Variants in ATXN7L1 observed in about 807,000 individuals in gnomAD.
ATXN7L1 encodes the protein ataxin 7 like 1, also known as ataxin-7-like protein 1.
ATXN7L1 carries 15 observed loss-of-function variants against 70.8 expected under a neutral mutation model. The observed-to-expected ratio is 0.21, with a 90% CI of 0.14 to 0.33. The LOEUF (loss-of-function observed/expected upper bound fraction) is 0.33. ATXN7L1 is among the 10% of genes least tolerant of loss of function. The probability of loss-of-function intolerance (pLI) is 1.00; values close to 1 mark genes in which losing one functional copy is unlikely to be tolerated. For synonymous variants in ATXN7L1, 440 were observed against 445.1 expected (o/e 0.99, Z 0.14); for missense variants, 975 against 1,097.1 (o/e 0.89, Z 1.57).
chr7:105,642,280 T>C (rs1798383350), intron 5 of ATXN7L1, among the ~76,000 whole-genome samples: 2 of 152,210 alleles, frequency 1.3e-5, no homozygotes, highest in Admixed American at 6.5e-5. Context: ...CCAGCCCTAC[T>C]GTTCCTGTTT....
At chr7:105,788,762 G>T in intron 2 of ATXN7L1, 54 bp from the exon 3 acceptor site, 1 of 1,388,754 alleles carries the variant, frequency 7.2e-7, no homozygotes. Flanking sequence ...AGTCTCAGAA[G>T]GTGTACAGTT....
At chr7:105,675,609 A>G (rs2116129814) in intron 3 of ATXN7L1, among the ~76,000 whole-genome samples, 1 of 152,156 alleles carries the variant, frequency 6.6e-6, no homozygotes, top group African/African-American at 2.4e-5. Context: ...TGGTGACAGA[A>G]TGAGACCCCA....
chr7:105,720,420 G>GTTCA (rs1795055731), intron 3 of ATXN7L1, among the ~76,000 whole-genome samples: 1 of 151,956 alleles, frequency 6.6e-6, no homozygotes, highest in Non-Finnish European at 1.5e-5. Context: ...GCTAGGTACC[G>GTTCA]TTCATTCATT....
At chr7:105,861,435 T>G (rs1816620692) in intron 2 of ATXN7L1, among the ~76,000 whole-genome samples, 1 of 126,644 alleles carries the variant, frequency 7.9e-6, no homozygotes. Flanking sequence ...TGGAGAGAGA[T>G]GGAGAGGTGC....
intron 2 of ATXN7L1, among the ~76,000 whole-genome samples, chr7:105,849,465 C>T (rs999590741): frequency 1.3e-5 from 2 of 152,220 alleles, no homozygotes; most frequent in African/African-American, 4.8e-5. Flanking sequence ...GCTGGGCCCC[C>T]GCTAGAAGAT....
Position 105,818,553 on chromosome 7 carries a change from C to T in ATXN7L1, c.251-29845G>A, listed in dbSNP as rs138008890. Among the ~76,000 whole-genome samples the T allele has an allele frequency of 1.1e-4, 17 of 152,160 alleles. No homozygotes were observed. The East Asian group carries it at 3.3e-3, about 29-fold the overall frequency. ...TTTCAGGGTTTAACTCTGTAATGGC[C>T]CAAATTCAAGGCTGAATGATCAGCT... On this transcript the variant is annotated intron_variant, in intron 2 of 11. Transcript: ENST00000419735.
At chr7:105,697,842 CTGTT>C (rs1791942829) in intron 3 of ATXN7L1, among the ~76,000 whole-genome samples, 1 of 152,258 alleles carries the variant, frequency 6.6e-6, no homozygotes, top group Admixed American at 6.5e-5. Flanking sequence ...GCCGGTCCCT[CTGTT>C]TGGGGTCCCT....
chr7:105,786,343 G>T (rs562333868), intron 3 of ATXN7L1, among the ~76,000 whole-genome samples: 5 of 152,174 alleles, frequency 3.3e-5, no homozygotes, highest in Admixed American at 3.3e-4. Flanking sequence ...GGGGAGGCAG[G>T]TGTATCAGCT....
intron 3 of ATXN7L1, among the ~76,000 whole-genome samples, chr7:105,709,458 A>T (rs1793610165): frequency 6.6e-6 from 1 of 152,100 alleles, no homozygotes; most frequent in Admixed American, 6.5e-5. Context: ...ACGCACCTAC[A>T]AGGAGGAGTA....
intron 7 of ATXN7L1, among the ~76,000 whole-genome samples, chr7:105,626,816 A>C (rs1202225777): frequency 6.6e-6 from 1 of 152,258 alleles, no homozygotes; most frequent in East Asian, 1.9e-4. Context: ...AAGTGTTATT[A>C]GCATTTTTAT....
chr7:105,758,976 C>T (rs1273119970), intron 3 of ATXN7L1, among the ~76,000 whole-genome samples: 3 of 151,944 alleles, frequency 2.0e-5, no homozygotes, highest in African/African-American at 4.8e-5. Context: ...GTGGGGTGGC[C>T]GGGGGTGGTA....
intron 3 of ATXN7L1, among the ~76,000 whole-genome samples, chr7:105,762,668 T>C (rs1475037112): frequency 4.6e-5 from 7 of 152,224 alleles, no homozygotes; most frequent in Non-Finnish European, 8.8e-5. Flanking sequence ...TGTGCTTTTC[T>C]GAGCCTGGCA....
At chr7:105,735,599 G>T (rs530850) in intron 3 of ATXN7L1, among the ~76,000 whole-genome samples, 41,515 of 151,924 alleles carry the variant, frequency 0.27, 5,903 homozygotes, top group Admixed American at 0.34. Context: ...ACACCACATA[G>T]GCCTACTACC....
intron 2 of ATXN7L1, among the ~76,000 whole-genome samples, chr7:105,867,302 G>T (rs1025680076): frequency 2.0e-5 from 3 of 152,192 alleles, no homozygotes; most frequent in African/African-American, 7.2e-5. Context: ...TAATCAAACT[G>T]CAGAGAACGC....
chr7:105,779,055 T>G (rs1487829151), intron 3 of ATXN7L1, among the ~76,000 whole-genome samples: 2 of 152,238 alleles, frequency 1.3e-5, no homozygotes, highest in Non-Finnish European at 2.9e-5. Context: ...ATGACTTTTC[T>G]GCATCAAAGT....
At chr7:105,876,035 C>T (rs1819229611) in intron 1 of ATXN7L1, among the ~76,000 whole-genome samples, 155 bp from the exon 2 acceptor site, 1 of 152,090 alleles carries the variant, frequency 6.6e-6, no homozygotes, top group South Asian at 2.1e-4. Context: ...AACATTTTCT[C>T]CCAAGTCTGG....
At chr7:105,631,538 C>G (rs187463219) in intron 7 of ATXN7L1, among the ~76,000 whole-genome samples, 3 of 152,360 alleles carry the variant, frequency 2.0e-5, no homozygotes, top group Non-Finnish European at 2.9e-5. Flanking sequence ...GCCATCTCGG[C>G]TCATTGCAAT....
chr7:105,865,099 G>A (rs752307689), intron 2 of ATXN7L1, among the ~76,000 whole-genome samples: 1 of 152,166 alleles, frequency 6.6e-6, no homozygotes, highest in Non-Finnish European at 1.5e-5. Context: ...CCCTGGAAGT[G>A]GCAGCTCTTA....
At chr7:105,827,325 G>C (rs750675995) in intron 2 of ATXN7L1, among the ~76,000 whole-genome samples, 1 of 152,154 alleles carries the variant, frequency 6.6e-6, no homozygotes, top group Non-Finnish European at 1.5e-5. Context: ...CTTAAAAAGA[G>C]AACAAACATT....
Sources: gnomAD v4.1 joint callset for allele counts (sites outside exome capture counted in the v4.1 genomes callset) on GRCh38, gnomAD v4.1.1 for gene constraint, MANE v1.5 for transcripts, NCBI Gene and HGNC (gene_info 2026-07-23, HGNC 2026-07-21) for gene names.